MARCHF1: variants seen among roughly 807,000 people sequenced by gnomAD.
MARCHF1 encodes the protein E3 ubiquitin-protein ligase MARCHF1.
Under a neutral mutation model 54.2 loss-of-function variants are expected in MARCHF1, and 40 were observed. That is an observed-to-expected ratio of 0.74 (90% confidence interval 0.57 to 0.96). MARCHF1 has a LOEUF of 0.96. Ranked by LOEUF, MARCHF1 falls within the 40% of genes least tolerant of loss-of-function variation. The pLI is 0.00. For missense variants in MARCHF1, 586 were observed against 656.5 expected, an observed-to-expected ratio of 0.89 and a Z score of 1.17; for synonymous variants, 236 against 236.3, an observed-to-expected ratio of 1.00 and a Z score of 0.01.
intron 1 of MARCHF1, among the ~76,000 whole-genome samples, chr4:164,265,719 TC>T (rs1394231385): frequency 3.9e-5 from 6 of 151,938 alleles, no homozygotes; most frequent in African/African-American, 1.5e-4. Context: ...ATCCAGCCAC[TC>T]TGACATTTTT....
At chr4:164,198,179 C>T (rs1731334727) in intron 1 of MARCHF1, among the ~76,000 whole-genome samples, 1 of 152,136 alleles carries the variant, frequency 6.6e-6, no homozygotes, top group Non-Finnish European at 1.5e-5. Flanking sequence ...GAGATCTCCC[C>T]TCAAATGAAA....
chr4:164,247,973 A>T (rs1733005483), intron 1 of MARCHF1, among the ~76,000 whole-genome samples: 1 of 151,548 alleles, frequency 6.6e-6, no homozygotes, highest in African/African-American at 2.4e-5. Flanking sequence ...TGGAAAATAC[A>T]ATCTACCACA....
chr4:164,169,076 C>T (rs9994011), intron 1 of MARCHF1, among the ~76,000 whole-genome samples: 2 of 151,716 alleles, frequency 1.3e-5, no homozygotes, highest in Non-Finnish European at 2.9e-5. Context: ...TTGCTGGATA[C>T]GTAGATTTTA....
chr4:163,939,662 G>T (rs1398977852), intron 3 of MARCHF1, among the ~76,000 whole-genome samples: 1 of 152,098 alleles, frequency 6.6e-6, no homozygotes, highest in Non-Finnish European at 1.5e-5. Flanking sequence ...TTATTTTTGG[G>T]TGTATCTTAA....
chr4:163,819,226 A>T (rs992458526), intron 4 of MARCHF1, among the ~76,000 whole-genome samples: 1 of 151,954 alleles, frequency 6.6e-6, no homozygotes, highest in African/African-American at 2.4e-5. Context: ...TGTTCTCTCT[A>T]CTGTTTCCTG....
chr4:163,531,307 G>A (rs918554604), intron 9 of MARCHF1, among the ~76,000 whole-genome samples: 1 of 151,866 alleles, frequency 6.6e-6, no homozygotes, highest in Non-Finnish European at 1.5e-5. Context: ...TTTATTCTAG[G>A]TATGCAAAGT....
chr4:163,547,459 CCT>C (rs1424640196), intron 8 of MARCHF1, among the ~76,000 whole-genome samples: 1 of 152,132 alleles, frequency 6.6e-6, no homozygotes, highest in Non-Finnish European at 1.5e-5. Context: ...ATTGTCCTTT[CCT>C]TCATTTTCTG....
chr4:163,921,591 C>A (rs1253413962), intron 3 of MARCHF1, among the ~76,000 whole-genome samples: 2 of 150,254 alleles, frequency 1.3e-5, no homozygotes, highest in Non-Finnish European at 2.9e-5. Context: ...TACACACATA[C>A]TTTAGGAATT....
At chr4:164,034,068 C>CAGACAGATAGAT (rs1250141499) in intron 2 of MARCHF1, among the ~76,000 whole-genome samples, 1 of 110,064 alleles carries the variant, frequency 9.1e-6, no homozygotes. Flanking sequence ...ATGTGATAGA[C>CAGACAGATAGAT]AGATAGATAG....
intron 3 of MARCHF1, among the ~76,000 whole-genome samples, chr4:163,906,481 A>G (rs566369800): frequency 6.6e-6 from 1 of 152,072 alleles, no homozygotes; most frequent in Non-Finnish European, 1.5e-5. Context: ...TTTCAAATAC[A>G]AAATTTTTTA....
intron 4 of MARCHF1, among the ~76,000 whole-genome samples, chr4:163,762,154 T>C (rs1409417476): frequency 6.6e-6 from 1 of 152,182 alleles, no homozygotes; most frequent in Admixed American, 6.5e-5. Context: ...AAGCCTCTCT[T>C]CCTTAAATTG....
At chr4:164,241,011 T>C (rs1349812123) in intron 1 of MARCHF1, among the ~76,000 whole-genome samples, 2 of 152,160 alleles carry the variant, frequency 1.3e-5, no homozygotes. Flanking sequence ...TTTTTCCCAA[T>C]TACTCCTATA....
At chr4:164,100,934 G>T (rs1197422304) in intron 2 of MARCHF1, among the ~76,000 whole-genome samples, 2 of 152,202 alleles carry the variant, frequency 1.3e-5, no homozygotes, top group African/African-American at 4.8e-5. Flanking sequence ...GTAGGGCGAG[G>T]CATTGCCTCA....
At chr4:163,716,270 A>G (rs535524843) in intron 4 of MARCHF1, among the ~76,000 whole-genome samples, 13 of 152,336 alleles carry the variant, frequency 8.5e-5, no homozygotes, top group Admixed American at 1.3e-4. Context: ...GATAATTTGG[A>G]TTTAGTCCTA....
chr4:163,897,648 G>A (rs1750840706), intron 3 of MARCHF1, among the ~76,000 whole-genome samples: 1 of 152,076 alleles, frequency 6.6e-6, no homozygotes, highest in African/African-American at 2.4e-5. Flanking sequence ...AAAAGGTGCT[G>A]GGAAAAGTGG....
At chr4:164,238,260 T>A (rs1051094376) in intron 1 of MARCHF1, among the ~76,000 whole-genome samples, 20 of 152,028 alleles carry the variant, frequency 1.3e-4, no homozygotes, top group African/African-American at 4.8e-4. Context: ...TGGGAACCCA[T>A]TCCTCTCTAC....
intron 8 of MARCHF1, among the ~76,000 whole-genome samples, chr4:163,582,139 T>C (rs1579083036): frequency 6.6e-6 from 1 of 152,344 alleles, no homozygotes; most frequent in East Asian, 1.9e-4. Flanking sequence ...GAAATTAGTT[T>C]ATGCTTCCTA....
chr4:163,861,746 A>T (rs1221720031), intron 3 of MARCHF1, among the ~76,000 whole-genome samples: 2 of 152,104 alleles, frequency 1.3e-5, no homozygotes, highest in African/African-American at 4.8e-5. Flanking sequence ...TTACGTAGAA[A>T]GGCAAAATAC....
intron 4 of MARCHF1, among the ~76,000 whole-genome samples, chr4:163,723,179 A>G (rs1045052883): frequency 4.6e-5 from 7 of 152,042 alleles, no homozygotes; most frequent in Non-Finnish European, 2.9e-5. Flanking sequence ...TTCTTTCCAT[A>G]TTTAGTGCTT....
Sources: allele counts gnomAD v4.1 joint callset (sites outside exome capture counted in the v4.1 genomes callset), GRCh38; gene constraint gnomAD v4.1.1; transcripts MANE v1.5; gene names NCBI Gene and HGNC (gene_info 2026-07-23, HGNC 2026-07-21).